Variants in KIF1B observed in about 807,000 individuals in gnomAD.
The protein encoded by KIF1B is kinesin family member 1B.
A neutral mutation model predicts 241.9 loss-of-function variants in KIF1B; 76 were observed. That is an observed-to-expected ratio of 0.31 (90% CI 0.26 to 0.38). KIF1B has a LOEUF of 0.38. Ranked by LOEUF, KIF1B falls within the 10% of genes least tolerant of loss-of-function variation. KIF1B has a pLI of 1.00. For missense variants in KIF1B, 1,622 were observed against 2,271.4 expected (o/e 0.71, Z 5.81); for synonymous variants, 750 against 796.7 (o/e 0.94, Z 0.99).
intron 35 of KIF1B, among the ~76,000 whole-genome samples, 166 bp downstream of exon 35, chr1:10,346,119 G>GAC (rs760743229): frequency 1.3e-5 from 2 of 152,028 alleles, no homozygotes; most frequent in Non-Finnish European, 2.9e-5. Flanking sequence ...TTGTTATGTT[G>GAC]ACCAGGTTGG....
At chr1:10,304,644 A>G (rs928124475) in intron 22 of KIF1B, 2 of 1,613,860 alleles carry the variant, frequency 1.2e-6, no homozygotes, top group Admixed American at 1.7e-5. Flanking sequence ...AAACCACAGT[A>G]TAAATCAGTT....
At chr1:10,298,775 A>G (rs77695198) in intron 22 of KIF1B, among the ~76,000 whole-genome samples, 4,734 of 152,230 alleles carry the variant, frequency 0.031, 242 homozygotes, top group African/African-American at 0.11. Flanking sequence ...GTTAACATCC[A>G]TCAATTTATT....
rs764084679 is a variant in KIF1B, at chr1:10,282,441, C to T, written c.1342C>T (p.Leu448Phe). ...SLTSSPSSCS[L>F]SSQVGLTSVT... ...CACTTCATCCCCATCTTCCTGCTCA[C>T]TCAGTAGTCAGGTGGGCTTGACGTC... Residue 448 changes from leucine to phenylalanine, a missense_variant, in exon 15 of 49, where the codon CTC (leucine) becomes TTC (phenylalanine). Coordinates refer to ENST00000676179, the MANE Select transcript of KIF1B (RefSeq NM_001365951.3). 1.1e-5 allele frequency: 18 copies of T among 1,614,196 alleles called. No homozygotes were observed. The highest frequency in any genetic ancestry group is 2.2e-5 in the South Asian group (2 of 91,088).
chr1:10,297,148 A>T (rs912218004), intron 21 of KIF1B, 26 bp from the exon 22 acceptor site: 15 of 1,536,058 alleles, frequency 9.8e-6, no homozygotes, highest in South Asian at 2.3e-5. Context: ...GCATTCTTGA[A>T]TTTTTTTTTT....
chr1:10,331,943 A>G (rs1020752757), intron 27 of KIF1B, among the ~76,000 whole-genome samples: 3 of 151,436 alleles, frequency 2.0e-5, no homozygotes, highest in Non-Finnish European at 4.4e-5. Context: ...TGCTTGAAAT[A>G]TAAAGTGTTA....
At chr1:10,325,974 A>G in intron 26 of KIF1B, 137 bp from the exon 27 acceptor site, 1 of 1,175,192 alleles carries the variant, frequency 8.5e-7, no homozygotes, top group Non-Finnish European at 1.3e-6. Flanking sequence ...TGCTTATTTT[A>G]TCCTTTTGCT....
chr1:10,221,345 G>A (rs1646842901), intron 1 of KIF1B, among the ~76,000 whole-genome samples: 1 of 151,984 alleles, frequency 6.6e-6, no homozygotes, highest in African/African-American at 2.4e-5. Context: ...TGATCTGTCC[G>A]CTTCGGCCTC....
At chr1:10,321,447 T>TA (rs893074875) in intron 23 of KIF1B, among the ~76,000 whole-genome samples, 3 of 151,624 alleles carry the variant, frequency 2.0e-5, no homozygotes, top group East Asian at 1.9e-4. Context: ...TACCTTTTTT[T>TA]AAAAAAAAGA....
chr1:10,286,883 T>A (rs773566737), intron 15 of KIF1B, among the ~76,000 whole-genome samples: 23 of 152,012 alleles, frequency 1.5e-4, no homozygotes, highest in Non-Finnish European at 2.6e-4. Context: ...TAAAGATTTA[T>A]CTCCTCAACC....
rs1400000635 is a variant in KIF1B, at chr1:10,278,083, C to G, written c.1135C>G (p.Leu379Val). Reference sequence around the variant, plus strand: ...TGAATTAAAGGAGGAGGTGACACGGCTGAAGGACCTTCTTCGTGCTCAGGG... The same window carrying G: ...TGAATTAAAGGAGGAGGTGACACGGGTGAAGGACCTTCTTCGTGCTCAGGG... Reference protein sequence around the residue: ...VRELKEEVTRLKDLLRAQGLG... With the variant: ...VRELKEEVTRVKDLLRAQGLG... Residue 379 changes from leucine (L) to valine (V), a missense_variant, in exon 13 of 49, where the codon CTG (leucine) becomes GTG (valine). This residue lies in a region of KIF1B where 201 missense variants were observed against 301.2 expected (regional missense o/e 0.67). Transcript: ENST00000676179. 6.2e-7 allele frequency: 1 copy of G among 1,614,024 alleles called. No individual in the cohort carries two copies. The highest frequency in any genetic ancestry group is 1.1e-5 in the South Asian group (1 of 91,080).
At chr1:10,244,841 TGA>T (rs1308982275) in intron 2 of KIF1B, among the ~76,000 whole-genome samples, 4 of 137,340 alleles carry the variant, frequency 2.9e-5, no homozygotes, top group African/African-American at 1.1e-4. Flanking sequence ...CTCAATCTCC[TGA>T]CTTCGTGATC....
Position 10,334,809 on chromosome 1 carries a change from TG to T in KIF1B, c.3043+172del, listed in dbSNP as rs1652103863. 2.6e-5 allele frequency among the ~76,000 whole-genome samples: 4 copies of T among 152,364 alleles called. No homozygotes were observed. In the South Asian group the frequency reaches 6.2e-4, roughly 24 times the overall value. ...GCCTTTATTGCTCCTTTCTAGCAAT[TG>T]TTCCCAAGTATCACAAATAGATCCT... On this transcript the variant is annotated intron_variant, in intron 28 of 48. Coordinates refer to ENST00000676179, the MANE Select transcript of KIF1B (RefSeq NM_001365951.3).
chr1:10,351,073 CAAA>C (rs35072176), intron 37 of KIF1B, among the ~76,000 whole-genome samples: 1 of 104,658 alleles, frequency 9.6e-6, no homozygotes, highest in Non-Finnish European at 2.0e-5. Flanking sequence ...AAGACCCTGT[CAAA>C]AAAAAAAAAA....
chr1:10,265,235 TA>T (rs1557675109), intron 5 of KIF1B, among the ~76,000 whole-genome samples: 1,853 of 149,146 alleles, frequency 0.012, 49 homozygotes, highest in African/African-American at 0.043. Flanking sequence ...TTTATTTATT[TA>T]TTTATTTATT....
At chr1:10,235,260 T>G (rs1379796229) in intron 2 of KIF1B, among the ~76,000 whole-genome samples, 1 of 152,150 alleles carries the variant, frequency 6.6e-6, no homozygotes, top group Non-Finnish European at 1.5e-5. Flanking sequence ...ATTATTTTAT[T>G]TTATTTTTTG....
chr1:10,240,813 C>G (rs1364204391), intron 2 of KIF1B, among the ~76,000 whole-genome samples: 1 of 148,134 alleles, frequency 6.8e-6, no homozygotes, highest in African/African-American at 2.5e-5. Context: ...ATCCTCCTAC[C>G]TTGGCTTCCT....
chr1:10,376,200 C>T (rs1638885075), intron 48 of KIF1B, among the ~76,000 whole-genome samples: 1 of 152,168 alleles, frequency 6.6e-6, no homozygotes, highest in African/African-American at 2.4e-5. Context: ...TCTTGTAAGG[C>T]ATTGTCATGT....
At chr1:10,226,572 A>C (rs1161086176) in intron 1 of KIF1B, among the ~76,000 whole-genome samples, 1 of 152,200 alleles carries the variant, frequency 6.6e-6, no homozygotes. Context: ...AACAGTATTC[A>C]ACAACTATCA....
chr1:10,275,864 A>T (rs1229336891), intron 11 of KIF1B, among the ~76,000 whole-genome samples: 1 of 151,262 alleles, frequency 6.6e-6, no homozygotes, highest in Non-Finnish European at 1.5e-5. Context: ...CTCGTTGCTG[A>T]TGTTTTCAGA....
Sources: allele counts gnomAD v4.1 joint callset (sites outside exome capture counted in the v4.1 genomes callset), GRCh38; gene constraint gnomAD v4.1.1; regional missense constraint gnomAD v4.1.1; transcripts MANE v1.5; gene names NCBI Gene and HGNC (gene_info 2026-07-23, HGNC 2026-07-21).